The following DERPC variants were observed in gnomAD, a reference collection of about 807,000 sequenced individuals.
The protein encoded by DERPC is DERPC proline and glycine rich nuclear protein, also known as decreased expression in renal and prostate cancer protein.
A neutral mutation model predicts 7.2 loss-of-function variants in DERPC; 1 was observed. The ratio of observed to expected loss-of-function variants is 0.14; its 90% CI spans 0.05 to 0.66. DERPC has a LOEUF of 0.66. Among genes scored for constraint, DERPC ranks in the 30% least tolerant of loss-of-function variants. The pLI, the probability that DERPC is intolerant of heterozygous loss-of-function variation, is 0.84. For synonymous variants in DERPC, 185 were observed against 117.6 expected, an observed-to-expected ratio of 1.57 and a Z score of -3.71; for missense variants, 502 against 299.4, an observed-to-expected ratio of 1.68 and a Z score of -4.99.
At chr16:69,127,235 G>A (rs1479495702) in intron 1 of DERPC, among the ~76,000 whole-genome samples, 2 of 147,212 alleles carry the variant, frequency 1.4e-5, no homozygotes, top group Admixed American at 1.4e-4. Flanking sequence ...GCAAAACTCC[G>A]TCTCAAAAAA....
intron 1 of DERPC, among the ~76,000 whole-genome samples, chr16:69,127,312 T>G (rs935645584): frequency 2.7e-5 from 4 of 147,998 alleles, no homozygotes; most frequent in Non-Finnish European, 5.9e-5. Context: ...ACAGAGTGAG[T>G]AGAAAAAAGA....
rs1406274448 is a variant in DERPC, at chr16:69,120,503, CA to C, written c.-76del. On this transcript the variant is annotated 5_prime_UTR_variant, in exon 3 of 3. It removes the in-frame stop codon of an upstream open reading frame in the 5' UTR. Transcript: ENST00000519520. The surrounding 1 kb of genome is among the most constrained non-coding windows in gnomAD (Gnocchi z 4.0). ...GGATCTTGTCTTTGATGAGTGCTGT[CA>C]CCAGGTACCGGGTGCCAGTCTCGCG... is the stretch of plus-strand genomic sequence containing the variant. The C allele has an allele frequency of 6.2e-7, 1 of 1,614,002 alleles. No homozygotes were observed. The highest frequency in any genetic ancestry group is 1.3e-5 in the African/African-American group (1 of 74,892).
chr16:69,124,569 G>A (rs946202591), intron 1 of DERPC, among the ~76,000 whole-genome samples: 4 of 150,874 alleles, frequency 2.7e-5, no homozygotes, highest in South Asian at 2.1e-4. Flanking sequence ...GATTACAGGC[G>A]CCCGCCACCA....
Position 69,118,658 on chromosome 16 carries a change from G to A in DERPC, c.*196C>T. ...CTCAAGGGCAGGATTATTCCCACCT[G>A]CCACAGTTCACATGCCACAAATAAC... On this transcript the variant is annotated 3_prime_UTR_variant, in exon 3 of 3. Coordinates refer to ENST00000519520, the MANE Select transcript of DERPC (RefSeq NM_001002847.4). 1.4e-6 allele frequency: 1 copy of A among 692,300 alleles called. No individual in the cohort carries two copies. The highest frequency in any genetic ancestry group is 2.6e-6 in the Non-Finnish European group (1 of 379,176). The allele number at this position is 692,300 out of a possible 1,614,324, so 42.9% of individuals were successfully genotyped here.
intron 1 of DERPC, among the ~76,000 whole-genome samples, chr16:69,129,429 C>CAAAAAAAAAAA (rs11420871): frequency 1.3e-5 from 1 of 75,602 alleles, no homozygotes; most frequent in African/African-American, 4.9e-5. Context: ...GACTCCGTCA[C>CAAAAAAAAAAA]AAAAAAAAAA....
At chr16:69,129,291 G>A (rs1443514322) in intron 1 of DERPC, among the ~76,000 whole-genome samples, 4 of 151,272 alleles carry the variant, frequency 2.6e-5, no homozygotes, top group African/African-American at 7.3e-5. Context: ...TTAGCCGGGC[G>A]TGGTGGCAGG....
Position 69,120,861 on chromosome 16 carries a change from G to C in DERPC, c.-221-212C>G. The C allele has an allele frequency of 2.7e-6, 2 of 750,288 alleles. No individual in the cohort carries two copies. Among genetic ancestry groups the C allele is most frequent in the South Asian group, 2.9e-5 (2 of 69,232 alleles). 46.5% of individuals were successfully genotyped at this position (750,288 alleles called of 1,614,324 possible). On this transcript the variant is annotated intron_variant, in intron 2 of 2. Coordinates refer to ENST00000519520, the MANE Select transcript of DERPC (RefSeq NM_001002847.4). This position sits in a 1 kb window ranked among gnomAD's most constrained non-coding sequence, Gnocchi z 4.0. ...AGAATTTCCACTTTCAGAAATGTGA[G>C]CTTTCCAGATTCCCCAAAATTAAAT...
chr16:69,128,069 C>T (rs1187261401), intron 1 of DERPC, among the ~76,000 whole-genome samples: 4 of 152,106 alleles, frequency 2.6e-5, no homozygotes, highest in African/African-American at 7.2e-5. Context: ...CACCTGCCAC[C>T]GCGCCTTGCT....
rs1383175433 is a variant in DERPC at position 69,120,521 on chromosome 16, A to G, written c.-93T>C. 6.2e-7 allele frequency: 1 copy of G among 1,614,004 alleles called. No individual in the cohort carries two copies. The highest frequency in any genetic ancestry group is 1.3e-5 in the African/African-American group (1 of 74,894). ...GTGCTGTCACCAGGTACCGGGTGCC[A>G]GTCTCGCGGCCAAGCTCATCACAGT... On this transcript the variant is annotated 5_prime_UTR_variant, in exon 3 of 3. Coordinates refer to ENST00000519520, the MANE Select transcript of DERPC (RefSeq NM_001002847.4). This position sits in a 1 kb window ranked among gnomAD's most constrained non-coding sequence, Gnocchi z 4.0.
intron 1 of DERPC, among the ~76,000 whole-genome samples, chr16:69,127,601 C>CCTT (rs1170530279): frequency 3.4e-4 from 35 of 104,412 alleles, no homozygotes; most frequent in African/African-American, 1.3e-3. Context: ...CTCCCGGCAA[C>CCTT]TTTTTTTTTT....
Position 69,119,833 on chromosome 16 carries a change from T to C in DERPC, c.596A>G (p.Asn199Ser), listed in dbSNP as rs1160039092. The change falls in exon 3 of 3, where the codon AAT (asparagine) becomes AGT (serine). Residue 199 changes from asparagine (N) to serine (S), a missense_variant. By Grantham distance (46) the Asn-to-Ser change is conservative. Coordinates refer to ENST00000519520, the MANE Select transcript of DERPC (RefSeq NM_001002847.4). Reference sequence around the variant, plus strand: ...TGGGCCCAGGCCAACTGGCCTAGGATTGGGAGGACCATTCCCAGAGGTTAA... The same window carrying C: ...TGGGCCCAGGCCAACTGGCCTAGGACTGGGAGGACCATTCCCAGAGGTTAA... ...VLLTSGNGPP[N>S]PRPVGLGPGP... 1.1e-5 allele frequency: 8 copies of C among 701,022 alleles called. No homozygotes were observed. The highest frequency in any genetic ancestry group is 2.0e-5 in the Admixed American group (1 of 49,990). 43.4% of individuals were successfully genotyped at this position (701,022 alleles called of 1,614,324 possible).
chr16:69,121,677 T>C (rs1017980186), intron 1 of DERPC, among the ~76,000 whole-genome samples, 184 bp from the exon 2 acceptor site: 1 of 150,644 alleles, frequency 6.6e-6, no homozygotes, highest in African/African-American at 2.4e-5. Context: ...TGGGGTTTTT[T>C]TTTTTTTTGA....
Position 69,132,564 on chromosome 16 carries a change from G to A in DERPC, c.-360C>T, listed in dbSNP as rs1245265007. On this transcript the variant is annotated 5_prime_UTR_variant, in exon 1 of 3. Coordinates refer to ENST00000519520, the MANE Select transcript of DERPC (RefSeq NM_001002847.4). Reference sequence around the variant, plus strand: ...CTCCCGCCGCCGTCGCCGCCGCCGCGAGCACTGCCTGCGCACTTCCGACTA... The same window carrying A: ...CTCCCGCCGCCGTCGCCGCCGCCGCAAGCACTGCCTGCGCACTTCCGACTA... 4 of 384,890 alleles carry A rather than the reference G, an allele frequency of 1.0e-5. No homozygotes were observed. Among genetic ancestry groups the A allele is most frequent in the Non-Finnish European group, 2.0e-5 (4 of 195,916 alleles). 23.8% of individuals were successfully genotyped at this position (384,890 alleles called of 1,614,324 possible). A position where few individuals can be genotyped will look rare whatever the true frequency, so the allele number is the denominator to read the frequency against.
chr16:69,121,538 T>A (rs1464718904), intron 1 of DERPC, 45 bp from the exon 2 acceptor site: 4 of 1,206,784 alleles, frequency 3.3e-6, no homozygotes, highest in Admixed American at 4.4e-5. Flanking sequence ...CAACAACAAC[T>A]AATAATGACA....
intron 1 of DERPC, among the ~76,000 whole-genome samples, chr16:69,127,175 C>G (rs1012201639): frequency 1.3e-5 from 2 of 151,232 alleles, no homozygotes; most frequent in African/African-American, 4.9e-5. Flanking sequence ...GAGGCGGAGG[C>G]TGCAGTGAGC....
At position 69,118,126 on chromosome 16, in the gene DERPC, C is replaced by T; in HGVS notation, c.*728G>A. 2.5e-6 allele frequency: 1 copy of T among 406,594 alleles called. No individual in the cohort carries two copies. The highest frequency in any genetic ancestry group is 4.5e-5 in the South Asian group (1 of 22,006). The allele number at this position is 406,594 out of a possible 1,614,324, so 25.2% of individuals were successfully genotyped here. A position where few individuals can be genotyped will look rare whatever the true frequency, so the allele number is the denominator to read the frequency against. Reference sequence around the variant, plus strand: ...ACAGTGATTTCTTCCCTTCATCCCCCACCCCCACCCTAATTCCCATATTCC... The same window carrying T: ...ACAGTGATTTCTTCCCTTCATCCCCTACCCCCACCCTAATTCCCATATTCC... On this transcript the variant is annotated 3_prime_UTR_variant, in exon 3 of 3. Coordinates refer to ENST00000519520, the MANE Select transcript of DERPC (RefSeq NM_001002847.4).
intron 1 of DERPC, among the ~76,000 whole-genome samples, chr16:69,127,283 C>T (rs1372020534): frequency 6.6e-6 from 1 of 151,732 alleles, no homozygotes; most frequent in Non-Finnish European, 1.5e-5. Context: ...CCAATGTGCC[C>T]CCATCCCCTT....
In DERPC at chr16:69,118,037, C is replaced by G. The variant is rs1961281439; in HGVS notation, c.*817G>C. The G allele has an allele frequency of 2.6e-6, 1 of 380,058 alleles. No homozygotes were observed. The highest frequency in any genetic ancestry group is 2.0e-5 in the African/African-American group (1 of 49,216). 23.5% of individuals were successfully genotyped at this position (380,058 alleles called of 1,614,324 possible). On this transcript the variant is annotated 3_prime_UTR_variant, in exon 3 of 3. Coordinates refer to ENST00000519520, the MANE Select transcript of DERPC (RefSeq NM_001002847.4). ...CCTCTCATCCCATTTATTAAAGAAA[C>G]AGTAAGAAAAGATACAATGCAGGAA...
chr16:69,129,157 G>T (rs938399242), intron 1 of DERPC, among the ~76,000 whole-genome samples: 1 of 150,950 alleles, frequency 6.6e-6, no homozygotes, highest in African/African-American at 2.4e-5. Context: ...GAGGCCGGGT[G>T]CGGTGGCTCA....
Sources: gnomAD v4.1 joint callset for allele counts (sites outside exome capture counted in the v4.1 genomes callset) on GRCh38, gnomAD v4.1.1 for gene constraint, Gnocchi (gnomAD v3.1) non-coding constraint, MANE v1.5 for transcripts, NCBI Gene and HGNC (gene_info 2026-07-23, HGNC 2026-07-21) for gene names.